The following NFIB variants were observed in gnomAD, a reference collection of about 807,000 sequenced individuals.
The protein encoded by NFIB is nuclear factor I B, also known as nuclear factor 1 B-type.
In NFIB, 11 loss-of-function variants were observed where a neutral mutation model predicts 61.5. The observed-to-expected ratio is 0.18, with a 90% confidence interval of 0.11 to 0.30. The LOEUF (loss-of-function observed/expected upper bound fraction) is 0.30. Among genes scored for constraint, NFIB ranks in the 10% least tolerant of loss-of-function variants. The pLI, the probability that NFIB is intolerant of heterozygous loss-of-function variation, is 1.00. For missense variants in NFIB, 471 were observed against 608.9 expected, an observed-to-expected ratio of 0.77 and a Z score of 2.38; for synonymous variants, 260 against 216.5, an observed-to-expected ratio of 1.20 and a Z score of -1.76.
chr9:14,501,519 C>A, the NFIB span, among the ~76,000 whole-genome samples: 1 of 152,152 alleles, frequency 6.6e-6, no homozygotes, highest in Non-Finnish European at 1.5e-5. Context: ...TAAAATTGGC[C>A]CTTCCTATTT....
At chr9:14,526,945 C>A in the NFIB span, among the ~76,000 whole-genome samples, 8 of 152,154 alleles carry the variant, frequency 5.3e-5, no homozygotes, top group East Asian at 1.5e-3. Context: ...ACCATCTAAT[C>A]ACTGTTTATT....
At chr9:14,383,969 T>G (rs1352284334) in intron 1 of NFIB, among the ~76,000 whole-genome samples, 2 of 152,280 alleles carry the variant, frequency 1.3e-5, no homozygotes, top group Non-Finnish European at 2.9e-5. Context: ...TAGGAGGGCA[T>G]GTGGCCAAGG....
the NFIB span, among the ~76,000 whole-genome samples, chr9:14,485,188 C>A: frequency 1.8e-4 from 27 of 152,134 alleles, no homozygotes; most frequent in Non-Finnish European, 3.7e-4. Flanking sequence ...TTGGAGGGGA[C>A]AAAATTCAGT....
chr9:14,322,943 C>T (rs1564008503), intron 1 of NFIB, among the ~76,000 whole-genome samples: 1 of 152,208 alleles, frequency 6.6e-6, no homozygotes, highest in Non-Finnish European at 1.5e-5. Flanking sequence ...GCAAGGGGCC[C>T]CTCGCCGGCC....
chr9:14,174,086 A>C (rs1000944795), intron 3 of NFIB, among the ~76,000 whole-genome samples: 6 of 152,196 alleles, frequency 3.9e-5, no homozygotes, highest in Non-Finnish European at 8.8e-5. Context: ...ATCCTATTCT[A>C]AATTTGAACA....
the NFIB span, among the ~76,000 whole-genome samples, chr9:14,498,452 T>C: frequency 2.0e-5 from 3 of 152,222 alleles, no homozygotes; most frequent in African/African-American, 7.2e-5. Flanking sequence ...AGCAGAACAC[T>C]TAGCTGCAGC....
rs140765045 is a variant in NFIB at position 14,139,299 on chromosome 9, G to A, written c.925+7390C>T. On this transcript the variant is annotated intron_variant, in intron 6 of 10. Transcript: ENST00000380953. ...TTCTAATAATTTGTGATCTGTACCTGAAAAATCAATTTCTTATTGTATATG... is the reference window on the plus strand; with the variant it reads ...TTCTAATAATTTGTGATCTGTACCTAAAAAATCAATTTCTTATTGTATATG... Among the ~76,000 whole-genome samples the A allele has an allele frequency of 4.8e-3, 737 of 152,202 alleles. 5 individuals carry two copies. The highest frequency in any genetic ancestry group is 0.015 in the African/African-American group (637 of 41,542).
the NFIB span, among the ~76,000 whole-genome samples, chr9:14,522,127 G>T: frequency 6.6e-6 from 1 of 152,160 alleles, no homozygotes; most frequent in East Asian, 1.9e-4. Flanking sequence ...ATTAATTTAT[G>T]ATGGCACAAC....
the NFIB span, among the ~76,000 whole-genome samples, chr9:14,429,848 T>C: frequency 5.3e-5 from 8 of 152,346 alleles, no homozygotes; most frequent in African/African-American, 1.9e-4. Flanking sequence ...ATAAATTATT[T>C]TCTATGCATT....
At chr9:14,457,003 T>A in the NFIB span, among the ~76,000 whole-genome samples, 1 of 152,102 alleles carries the variant, frequency 6.6e-6, no homozygotes, top group Non-Finnish European at 1.5e-5. Context: ...TGTACAACCA[T>A]AACAATGAAT....
the NFIB span, among the ~76,000 whole-genome samples, chr9:14,507,974 A>G: frequency 1.6e-5 from 2 of 121,656 alleles, no homozygotes; most frequent in Non-Finnish European, 3.6e-5. Context: ...ACACACAAAC[A>G]CACACACACA....
the NFIB span, among the ~76,000 whole-genome samples, chr9:14,500,007 G>T: frequency 7.2e-5 from 11 of 152,064 alleles, no homozygotes; most frequent in Non-Finnish European, 1.2e-4. Flanking sequence ...TATAGTACCC[G>T]TCGGAGAGCG....
chr9:14,174,799 G>A (rs2045974710), intron 3 of NFIB, among the ~76,000 whole-genome samples: 2 of 149,676 alleles, frequency 1.3e-5, no homozygotes, highest in African/African-American at 2.4e-5. Flanking sequence ...AATGAAATAT[G>A]ATTTGAAAAA....
At chr9:14,266,820 G>C (rs1427127518) in intron 2 of NFIB, among the ~76,000 whole-genome samples, 4 of 151,608 alleles carry the variant, frequency 2.6e-5, no homozygotes, top group Non-Finnish European at 5.9e-5. Flanking sequence ...TTCTCGGTCA[G>C]ATCCTAAGCA....
At chr9:14,158,673 G>C (rs2043758215) in intron 3 of NFIB, among the ~76,000 whole-genome samples, 1 of 152,150 alleles carries the variant, frequency 6.6e-6, no homozygotes, top group Admixed American at 6.5e-5. Flanking sequence ...TTACAATGTA[G>C]ATACAGATGG....
At chr9:14,105,029 T>A (rs187112696) in intron 10 of NFIB, among the ~76,000 whole-genome samples, 30 of 152,266 alleles carry the variant, frequency 2.0e-4, no homozygotes, top group African/African-American at 5.8e-4. Flanking sequence ...CCACATCTCC[T>A]CAGAAGGATG....
At chr9:14,154,532 A>G (rs975084842) in intron 4 of NFIB, among the ~76,000 whole-genome samples, 5 of 152,148 alleles carry the variant, frequency 3.3e-5, no homozygotes, top group Non-Finnish European at 5.9e-5. Context: ...TTGATCTGGA[A>G]AAACACATTA....
chr9:14,206,268 C>T (rs544412241), intron 2 of NFIB, among the ~76,000 whole-genome samples: 1 of 151,754 alleles, frequency 6.6e-6, no homozygotes, highest in Non-Finnish European at 1.5e-5. Flanking sequence ...CTCCGCCTCC[C>T]AAGGTTCAAA....
chr9:14,222,224 C>T (rs1055461723), intron 2 of NFIB, among the ~76,000 whole-genome samples: 1 of 152,140 alleles, frequency 6.6e-6, no homozygotes, highest in Non-Finnish European at 1.5e-5. Context: ...ATGTAACTTC[C>T]TTTTTCAAAC....
Sources: gnomAD v4.1 joint callset for allele counts (sites outside exome capture counted in the v4.1 genomes callset) on GRCh38, gnomAD v4.1.1 for gene constraint, MANE v1.5 for transcripts, NCBI Gene and HGNC (gene_info 2026-07-23, HGNC 2026-07-21) for gene names.